The following GRIP1 variants were observed in gnomAD, a reference collection of about 807,000 sequenced individuals.
The protein encoded by GRIP1 is glutamate receptor-interacting protein 1.
GRIP1 carries 45 observed loss-of-function variants against 129.9 expected under a neutral mutation model. That is an observed-to-expected ratio of 0.35 (90% CI 0.27 to 0.44). The LOEUF is 0.44. GRIP1 is among the 20% of genes least tolerant of loss of function. GRIP1 has a pLI of 1.00. For missense variants in GRIP1, 1,196 were observed against 1,396.8 expected, an observed-to-expected ratio of 0.86 and a Z score of 2.29; for synonymous variants, 530 against 520.8, an observed-to-expected ratio of 1.02 and a Z score of -0.24.
At chr12:66,391,393 G>T (rs147038135) in intron 19 of GRIP1, among the ~76,000 whole-genome samples, 5 of 152,302 alleles carry the variant, frequency 3.3e-5, no homozygotes, top group African/African-American at 9.6e-5. Flanking sequence ...TTTTTTAAAA[G>T]AAGCTATTAG....
At chr12:66,768,877 C>T (rs1378135575) in intron 1 of GRIP1, among the ~76,000 whole-genome samples, 1 of 152,226 alleles carries the variant, frequency 6.6e-6, no homozygotes, top group East Asian at 1.9e-4. Flanking sequence ...ACTCAGCCCA[C>T]ACTCCAGATC....
chr12:66,520,509 T>C (rs1050078262), intron 5 of GRIP1, among the ~76,000 whole-genome samples: 1 of 152,210 alleles, frequency 6.6e-6, no homozygotes, highest in African/African-American at 2.4e-5. Flanking sequence ...TTAAAATCAG[T>C]ATAATACTAT....
At chr12:66,936,267 A>G (rs1164782093) in intron 1 of GRIP1, among the ~76,000 whole-genome samples, 3 of 152,042 alleles carry the variant, frequency 2.0e-5, no homozygotes, top group African/African-American at 7.2e-5. Flanking sequence ...AAAAAACAGA[A>G]AAACAAAAAT....
Position 66,596,726 on chromosome 12 carries a change from C to T in GRIP1, c.136+121G>A. On this transcript the variant is annotated intron_variant, in intron 2 of 24. Transcript: ENST00000359742. The stretch of plus-strand genomic sequence containing the variant: ...AGTGTTGTAGAATTCAGTCTATGCT[C>T]TGTGAAATAACATGATTTATTATTA... 1.1e-5 allele frequency: 8 copies of T among 709,936 alleles called. No homozygotes were observed. The South Asian group carries it at 1.3e-4, about 11-fold the overall frequency. 44.0% of individuals were successfully genotyped at this position (709,936 alleles called of 1,614,324 possible).
chr12:66,451,547 G>A (rs1474900745), intron 11 of GRIP1, among the ~76,000 whole-genome samples: 2 of 151,504 alleles, frequency 1.3e-5, no homozygotes, highest in Middle Eastern at 6.4e-3. Context: ...GGGACTATAG[G>A]TGTGTGCCAC....
chr12:66,608,961 T>TTA (rs201645629), intron 1 of GRIP1, among the ~76,000 whole-genome samples: 1 of 129,174 alleles, frequency 7.7e-6, no homozygotes. Flanking sequence ...TATTATTATA[T>TTA]TATATATATA....
intron 24 of GRIP1, 119 bp from the exon 25 acceptor site, chr12:66,349,365 A>G (rs1592662502): frequency 1.3e-6 from 1 of 768,084 alleles, no homozygotes; most frequent in South Asian, 1.5e-5. Flanking sequence ...AATGAGCGCC[A>G]TGAGGTCTAT....
chr12:66,365,898 C>A (rs1212159896), intron 23 of GRIP1, among the ~76,000 whole-genome samples: 1 of 152,120 alleles, frequency 6.6e-6, no homozygotes, highest in Non-Finnish European at 1.5e-5. Flanking sequence ...TGTGAAGTCT[C>A]CCTCTTCTGA....
At position 66,877,085 on chromosome 12, in the gene GRIP1, G is replaced by A. The variant is rs368267783; in HGVS notation, c.58+191965C>T. Among the ~76,000 whole-genome samples, 9 of 151,826 alleles carry A rather than the reference G, an allele frequency of 5.9e-5. No individual in the cohort carries two copies. The East Asian group carries it at 1.2e-3, about 20-fold the overall frequency. ...CTTCATTTGGAACTTTATCAATGACGGGTTACCATCTGGGAAAATCATAGC... is the reference window on the plus strand; with the variant it reads ...CTTCATTTGGAACTTTATCAATGACAGGTTACCATCTGGGAAAATCATAGC... On this transcript the variant is annotated intron_variant, in intron 1 of 1. Coordinates refer to the GRIP1 transcript ENST00000643019.
chr12:66,417,108 C>T (rs2057635336), intron 15 of GRIP1, among the ~76,000 whole-genome samples: 1 of 152,184 alleles, frequency 6.6e-6, no homozygotes, highest in East Asian at 1.9e-4. Flanking sequence ...AGTTGGATCA[C>T]AACCCAGGGA....
intron 1 of GRIP1, among the ~76,000 whole-genome samples, chr12:66,785,546 G>A (rs1207287005): frequency 4.6e-5 from 7 of 151,282 alleles, no homozygotes; most frequent in Non-Finnish European, 5.9e-5. Context: ...GAAATATTTC[G>A]GGTGGGAGAG....
intron 7 of GRIP1, among the ~76,000 whole-genome samples, chr12:66,494,765 C>A (rs1459854353): frequency 6.6e-6 from 1 of 151,826 alleles, no homozygotes; most frequent in Middle Eastern, 3.2e-3. Context: ...CCTGTGTTCC[C>A]AGCTACTTGG....
At chr12:66,769,404 T>C (rs2037747721) in intron 1 of GRIP1, among the ~76,000 whole-genome samples, 1 of 152,066 alleles carries the variant, frequency 6.6e-6, no homozygotes, top group South Asian at 2.1e-4. Flanking sequence ...ACCACTGTTT[T>C]ACCTCCTCTT....
chr12:66,428,307 C>T (rs1246047440), intron 14 of GRIP1, among the ~76,000 whole-genome samples: 1 of 152,152 alleles, frequency 6.6e-6, no homozygotes, highest in African/African-American at 2.4e-5. Flanking sequence ...GAGCTTTTTA[C>T]TGCAAAGTTG....
chr12:66,798,519 G>A (rs1214759643), intron 1 of GRIP1, among the ~76,000 whole-genome samples: 1 of 152,172 alleles, frequency 6.6e-6, no homozygotes, highest in Non-Finnish European at 1.5e-5. Flanking sequence ...AAATGAACAT[G>A]TTCACATTGG....
chr12:66,645,230 C>T (rs564266363), intron 1 of GRIP1, among the ~76,000 whole-genome samples: 4 of 152,146 alleles, frequency 2.6e-5, no homozygotes, highest in Non-Finnish European at 4.4e-5. Flanking sequence ...GTTCAATCTC[C>T]TTATCTTATT....
chr12:66,646,361 C>T (rs751525192), intron 1 of GRIP1, among the ~76,000 whole-genome samples: 7 of 152,124 alleles, frequency 4.6e-5, no homozygotes, highest in African/African-American at 7.2e-5. Flanking sequence ...CGGTGGCTCA[C>T]GGCTGTAATC....
At chr12:66,529,968 C>G in intron 4 of GRIP1, 54 bp from the exon 5 acceptor site, 1 of 1,086,324 alleles carries the variant, frequency 9.2e-7, no homozygotes, top group Non-Finnish European at 1.4e-6. Context: ...CATAACATTT[C>G]TAAATCATTC....
chr12:66,969,175 A>G (rs1259953182), intron 1 of GRIP1, among the ~76,000 whole-genome samples: 2 of 152,152 alleles, frequency 1.3e-5, no homozygotes, highest in African/African-American at 4.8e-5. Context: ...TGAATGTCAT[A>G]TATCTAAGTA....
Sources: allele counts gnomAD v4.1 joint callset (sites outside exome capture counted in the v4.1 genomes callset), GRCh38; gene constraint gnomAD v4.1.1; transcripts MANE v1.5; gene names NCBI Gene and HGNC (gene_info 2026-07-23, HGNC 2026-07-21).